The following LAMB1 variants were observed in gnomAD, a reference collection of about 807,000 sequenced individuals.
LAMB1 encodes the protein laminin subunit beta 1.
In LAMB1, 121 loss-of-function variants were observed where a neutral mutation model predicts 222.3. The observed-to-expected ratio is 0.54, with a 90% CI of 0.47 to 0.63. The LOEUF is 0.63. Ranked by LOEUF, LAMB1 falls within the 30% of genes least tolerant of loss-of-function variation. The pLI, the probability that LAMB1 is intolerant of heterozygous loss-of-function variation, is 0.00. For missense variants in LAMB1, 2,172 were observed against 2,240.8 expected, an observed-to-expected ratio of 0.97 and a Z score of 0.62; for synonymous variants, 794 against 807.2, an observed-to-expected ratio of 0.98 and a Z score of 0.28.
intron 5 of LAMB1, among the ~76,000 whole-genome samples, chr7:107,988,850 A>G (rs2034130392): frequency 2.6e-5 from 4 of 152,178 alleles, no homozygotes; most frequent in African/African-American, 9.7e-5. Context: ...AACCCTGCCA[A>G]CACCTTACCC....
chr7:107,937,240 C>T lies in LAMB1; in HGVS notation c.3799G>A (p.Val1267Ile), dbSNP rs764270276. ...IKDVTEMMAQ[V>I]EVKLSDTTSQ... ...GTTGTGTCAGATAATTTCACTTCTA[C>T]TTGAGCCATCATTTCTGTAACATCT... is the stretch of plus-strand genomic sequence containing the variant. The change falls in exon 26 of 34, where the codon GTA (valine) becomes ATA (isoleucine). Residue 1267 changes from valine to isoleucine, a missense_variant. Coordinates refer to ENST00000222399, the MANE Select transcript of LAMB1 (RefSeq NM_002291.3). 7 of 1,613,772 alleles carry T rather than the reference C, an allele frequency of 4.3e-6. No individual in the cohort carries two copies. The South Asian group carries it at 6.6e-5, about 15-fold the overall frequency.
chr7:107,967,274 TAGC>T lies in LAMB1; in HGVS notation c.1563-2590_1563-2588del, dbSNP rs1202771441. 2.0e-5 allele frequency among the ~76,000 whole-genome samples: 3 copies of T among 152,214 alleles called. No homozygotes were observed. In the East Asian group the frequency reaches 5.8e-4, roughly 29 times the overall value. Reference sequence around the variant, plus strand: ...TTTTACTTCAAAATGTTTCTCAACTTAGCAGCTTCCTCTCATTGTCACTGCCAC... The same window carrying T: ...TTTTACTTCAAAATGTTTCTCAACTTAGCTTCCTCTCATTGTCACTGCCAC... On this transcript the variant is annotated intron_variant, in intron 13 of 33. Coordinates refer to ENST00000222399, the MANE Select transcript of LAMB1 (RefSeq NM_002291.3).
Position 107,928,826 on chromosome 7 carries a change from T to G in LAMB1, c.4887+238A>C, listed in dbSNP as rs141844057. Among the ~76,000 whole-genome samples the G allele has an allele frequency of 2.0e-5, 3 of 152,226 alleles. No homozygotes were observed. In the East Asian group the frequency reaches 5.8e-4, roughly 29 times the overall value. ...AAGTTTTTATCTTTCTCAGACTTTGTGGGGGAGAAAATGAGATGGGACGTA... is the reference window on the plus strand; with the variant it reads ...AAGTTTTTATCTTTCTCAGACTTTGGGGGGGAGAAAATGAGATGGGACGTA... On this transcript the variant is annotated intron_variant, in intron 31 of 33. Coordinates refer to ENST00000222399, the MANE Select transcript of LAMB1 (RefSeq NM_002291.3).
At position 107,961,556 on chromosome 7, in the gene LAMB1, C is replaced by G. The variant is rs2033501513; in HGVS notation, c.1978G>C (p.Gly660Arg). The change falls in exon 16 of 34, where the codon GGC becomes CGC. Residue 660 changes from glycine to arginine, a missense_variant. Gly to Arg is a moderately radical substitution (Grantham distance 125). Coordinates refer to ENST00000222399, the MANE Select transcript of LAMB1 (RefSeq NM_002291.3). Reference protein sequence around the residue: ...DDNQVVSLSPGSRYVVLPRPV... With the variant: ...DDNQVVSLSPRSRYVVLPRPV... Reference sequence around the variant, plus strand: ...AACCACCGTCACACTGACCTTGAGCCTGGTGATAATGACACCACCTGGTTG... The same window carrying G: ...AACCACCGTCACACTGACCTTGAGCGTGGTGATAATGACACCACCTGGTTG... 3.7e-6 allele frequency: 6 copies of G among 1,613,452 alleles called. No homozygotes were observed. Among genetic ancestry groups the G allele is most frequent in the African/African-American group, 1.3e-5 (1 of 74,912 alleles).
At chr7:108,002,103 G>A (rs890162932) in intron 2 of LAMB1, 1 of 1,476,808 alleles carries the variant, frequency 6.8e-7, no homozygotes, top group Non-Finnish European at 9.0e-7. Context: ...GCGCAGGGAG[G>A]CTGACCCCCA....
chr7:107,934,060 A>G (rs2032779565), intron 27 of LAMB1, among the ~76,000 whole-genome samples: 1 of 152,172 alleles, frequency 6.6e-6, no homozygotes, highest in African/African-American at 2.4e-5. Context: ...TTGGCATTTC[A>G]TGCTTCATAA....
rs775247287 is a variant in LAMB1, at chr7:107,980,703, A to C, written c.785T>G (p.Val262Gly). 1.9e-6 allele frequency: 3 copies of C among 1,613,888 alleles called. No individual in the cohort carries two copies. The South Asian group carries it at 3.3e-5, about 18-fold the overall frequency. The change falls in exon 8 of 34, where the codon GTT (valine) becomes GGT (glycine). Residue 262 changes from valine (V) to glycine (G), a missense_variant. Val to Gly is a moderately radical substitution (Grantham distance 109, BLOSUM62 -3). Transcript: ENST00000222399. ...ATTTCCTCGAACCACCATATCATAA[A>C]CTGCATAATAATACTTTTCTCTGAT... ...MEIREKYYYA[V>G]YDMVVRGNCF...
chr7:107,995,950 C>CG (rs2034273684), intron 4 of LAMB1, among the ~76,000 whole-genome samples: 2 of 150,502 alleles, frequency 1.3e-5, no homozygotes, highest in African/African-American at 4.9e-5. Context: ...ATTGAGGGGG[C>CG]GGGGGGTGAG....
At chr7:107,994,982 TA>T in intron 4 of LAMB1, 22 bp from the exon 5 acceptor site, 1 of 1,337,226 alleles carries the variant, frequency 7.5e-7, no homozygotes, top group Non-Finnish European at 1.1e-6. Flanking sequence ...TTAAAAAAAA[TA>T]AAACAATAAA....
At position 107,940,359 on chromosome 7, in the gene LAMB1, C is replaced by A; in HGVS notation, c.3392-1G>T. 1 of 1,609,874 alleles carries A rather than the reference C, an allele frequency of 6.2e-7. No individual in the cohort carries two copies. The highest frequency in any genetic ancestry group is 8.5e-7 in the Non-Finnish European group (1 of 1,176,612). On this transcript the variant is annotated splice_acceptor_variant, in intron 24 of 33. Coordinates refer to ENST00000222399, the MANE Select transcript of LAMB1 (RefSeq NM_002291.3). LOFTEE classifies it high-confidence loss of function. ...ATGCCCCTGGGGTCACAGTCACAGG[C>A]TAGAAGGGAATAAGCAATGCTAGCT...
At position 107,926,327 on chromosome 7, in the gene LAMB1, G is replaced by A. The variant is rs150786846; in HGVS notation, c.4920C>T (p.Thr1640=). Residue 1640 remains threonine, a synonymous_variant, in exon 32 of 34, where the codon ACC becomes ACT. Transcript: ENST00000222399. ...TGATGCGCTGGGACGCGTTGAACAA[G>A]GTTTCCTCAGAAGCTGCTGTTTCAG... ...IESETAASEE[T]LFNASQRISE... The A allele has an allele frequency of 6.2e-7, 1 of 1,613,862 alleles. No homozygotes were observed. The highest frequency in any genetic ancestry group is 1.7e-5 in the Admixed American group (1 of 59,984).
At position 108,002,980 on chromosome 7, in the gene LAMB1, G is replaced by A; in HGVS notation, c.-86-9C>T. 3 of 1,583,546 alleles carry A rather than the reference G, an allele frequency of 1.9e-6. No individual in the cohort carries two copies. The highest frequency in any genetic ancestry group is 2.6e-6 in the Non-Finnish European group (3 of 1,170,144). The stretch of plus-strand genomic sequence containing the variant: ...TCTTCCCGTCTTCCTTTCTGGAGAG[G>A]TGGAAAGGAGGGGAAAAAAGGCAAA... On this transcript the variant is annotated splice_polypyrimidine_tract_variant and intron_variant, in intron 1 of 33. Coordinates refer to ENST00000222399, the MANE Select transcript of LAMB1 (RefSeq NM_002291.3).
intron 13 of LAMB1, 69 bp downstream of exon 13, chr7:107,972,923 C>T: frequency 1.7e-6 from 2 of 1,198,270 alleles, no homozygotes; most frequent in Non-Finnish European, 2.5e-6. Context: ...AACTGAATGT[C>T]ACCCATTCCT....
intron 29 of LAMB1, 72 bp from the exon 30 acceptor site, chr7:107,929,691 G>T: frequency 8.2e-7 from 1 of 1,214,562 alleles, no homozygotes; most frequent in Non-Finnish European, 1.2e-6. Flanking sequence ...CCACTTACTG[G>T]TCATCTACTA....
intron 14 of LAMB1, among the ~76,000 whole-genome samples, chr7:107,964,067 AG>A (rs2033572883): frequency 6.6e-6 from 1 of 152,260 alleles, no homozygotes; most frequent in South Asian, 2.1e-4. Context: ...ACTGCACTCC[AG>A]CCTGGGCAAT....
chr7:107,952,471 A>G (rs957075181), intron 22 of LAMB1, among the ~76,000 whole-genome samples: 3 of 152,266 alleles, frequency 2.0e-5, no homozygotes, highest in African/African-American at 7.2e-5. Flanking sequence ...AGTATGTTCA[A>G]AATACACAGA....
At chr7:107,932,081 A>G (rs1170383369) in intron 28 of LAMB1, 93 bp downstream of exon 28, 2 of 1,118,764 alleles carry the variant, frequency 1.8e-6, no homozygotes, top group Non-Finnish European at 2.7e-6. Flanking sequence ...CATTTCAGTT[A>G]GCATTTAGAA....
At chr7:107,995,822 A>G (rs2034271067) in intron 4 of LAMB1, among the ~76,000 whole-genome samples, 1 of 152,190 alleles carries the variant, frequency 6.6e-6, no homozygotes, top group Non-Finnish European at 1.5e-5. Flanking sequence ...GAGCAAAAGA[A>G]GTCTTAAATG....
chr7:107,973,458 C>T (rs1394116472), intron 12 of LAMB1, among the ~76,000 whole-genome samples: 1 of 152,126 alleles, frequency 6.6e-6, no homozygotes, highest in Non-Finnish European at 1.5e-5. Context: ...TGTCATCAAT[C>T]CCATACAGAA....
Sources: gnomAD v4.1 joint callset for allele counts (sites outside exome capture counted in the v4.1 genomes callset) on GRCh38, gnomAD v4.1.1 for gene constraint, MANE v1.5 for transcripts, NCBI Gene and HGNC (gene_info 2026-07-23, HGNC 2026-07-21) for gene names.